Variants in CREB5 observed in about 807,000 individuals in gnomAD.
CREB5 encodes cAMP responsive element binding protein 5.
CREB5 carries 19 observed loss-of-function variants against 57.1 expected under a neutral mutation model. That is an observed-to-expected ratio of 0.33 (90% CI 0.23 to 0.49). The LOEUF (loss-of-function observed/expected upper bound fraction) is 0.49, where lower values mean the gene tolerates loss of function less well. CREB5 is among the 20% of genes least tolerant of loss of function. The pLI is 0.99. For synonymous variants in CREB5, 238 were observed against 238.3 expected (o/e 1.00, Z 0.01); for missense variants, 579 against 671.6 (o/e 0.86, Z 1.52).
intron 7 of CREB5, among the ~76,000 whole-genome samples, chr7:28,749,811 A>G (rs1804878326): frequency 6.6e-6 from 1 of 152,214 alleles, no homozygotes; most frequent in Non-Finnish European, 1.5e-5. Context: ...AGAAGTGTTT[A>G]ATGCAGTTGC....
chr7:28,739,357 C>T (rs1232043590), intron 7 of CREB5, among the ~76,000 whole-genome samples: 4 of 152,114 alleles, frequency 2.6e-5, no homozygotes, highest in Middle Eastern at 3.2e-3. Context: ...TGTTCAGTAG[C>T]GCTGGTCTCA....
At chr7:28,454,618 C>T (rs10230217) in intron 1 of CREB5, among the ~76,000 whole-genome samples, 44,719 of 152,042 alleles carry the variant, frequency 0.29, 7,459 homozygotes, top group East Asian at 0.57. Flanking sequence ...GGTCTGCCCT[C>T]GCTCCACCCT....
chr7:28,691,829 G>C (rs1297463156), intron 5 of CREB5, among the ~76,000 whole-genome samples: 1 of 152,028 alleles, frequency 6.6e-6, no homozygotes, highest in African/African-American at 2.4e-5. Flanking sequence ...CCTGTCATGT[G>C]CCTGACAGAA....
intron 1 of CREB5, among the ~76,000 whole-genome samples, chr7:28,424,699 T>C (rs1788425233): frequency 6.6e-6 from 1 of 152,224 alleles, no homozygotes; most frequent in South Asian, 2.1e-4. Flanking sequence ...AATACAACTA[T>C]AGTTTGCCAC....
intron 7 of CREB5, among the ~76,000 whole-genome samples, chr7:28,729,355 G>A (rs1193095309): frequency 1.3e-5 from 2 of 152,172 alleles, no homozygotes; most frequent in Non-Finnish European, 2.9e-5. Context: ...ATTACTAACA[G>A]TGCTTCTGTC....
chr7:28,339,701 G>T (rs1392070607), intron 1 of CREB5, among the ~76,000 whole-genome samples: 1 of 152,194 alleles, frequency 6.6e-6, no homozygotes, highest in Non-Finnish European at 1.5e-5. Context: ...AGCCAGACAG[G>T]CTTGTGTACT....
At chr7:28,568,561 A>C (rs1795571452) in intron 4 of CREB5, among the ~76,000 whole-genome samples, 1 of 152,236 alleles carries the variant, frequency 6.6e-6, no homozygotes, top group African/African-American at 2.4e-5. Flanking sequence ...CCACCAATGC[A>C]CATTGCCATT....
At position 28,821,148 on chromosome 7, in the gene CREB5, G is replaced by GTGTC. The variant is rs1809744779; in HGVS notation, c.*1872_*1873insCTGT. The stretch of plus-strand genomic sequence containing the variant: ...TTAATGTGTGTGTGTGTGTGTGTGT[G>GTGTC]TGTGTGTGTGTTCATGGGTTTTAAA... On this transcript the variant is annotated 3_prime_UTR_variant, in exon 11 of 11. Coordinates refer to ENST00000357727, the MANE Select transcript of CREB5 (RefSeq NM_182898.4). 6.6e-6 allele frequency: 1 copy of GTGTC among 152,194 alleles called. No individual in the cohort carries two copies. Among genetic ancestry groups the GTGTC allele is most frequent in the Non-Finnish European group, 1.5e-5 (1 of 68,038 alleles). 9.4% of individuals were successfully genotyped at this position (152,194 alleles called of 1,614,324 possible).
Position 28,624,642 on chromosome 7 carries a change from G to A in CREB5, c.464+54105G>A, listed in dbSNP as rs1035906777. On this transcript the variant is annotated intron_variant, in intron 5 of 10. Transcript: ENST00000357727. ...CTAAGTTGAACATTTTTCTCAAATT[G>A]TACTTCGTTTTTCCTTGTTCCGCCA... 4.3e-5 allele frequency among the ~76,000 whole-genome samples: 6 copies of A among 139,926 alleles called. No individual in the cohort carries two copies. The Admixed American group carries it at 4.5e-4, about 11-fold the overall frequency. 91.8% of individuals were successfully genotyped at this position (139,926 alleles called of 152,430 possible).
intron 1 of CREB5, among the ~76,000 whole-genome samples, chr7:28,464,493 T>TTGCG (rs138527253): frequency 9.3e-6 from 1 of 107,724 alleles, no homozygotes. Context: ...TTGTGGAAAG[T>TTGCG]TGCGTGTGTG....
intron 1 of CREB5, among the ~76,000 whole-genome samples, chr7:28,430,001 T>C (rs914705344): frequency 1.3e-5 from 2 of 152,214 alleles, no homozygotes; most frequent in Non-Finnish European, 2.9e-5. Context: ...AAAAGAGCTC[T>C]TGGTCTCTGT....
intron 7 of CREB5, among the ~76,000 whole-genome samples, chr7:28,789,870 G>A (rs79549252): frequency 0.015 from 2,233 of 152,122 alleles, 41 homozygotes; most frequent in African/African-American, 0.044. Context: ...TTTAAAACCT[G>A]GGGTGAGAGA....
chr7:28,678,110 G>A (rs1800402817), intron 5 of CREB5, among the ~76,000 whole-genome samples: 1 of 152,212 alleles, frequency 6.6e-6, no homozygotes, highest in South Asian at 2.1e-4. Flanking sequence ...AAAAGAGGCT[G>A]GGTGCAGTGG....
chr7:28,793,545 A>C (rs1467221406), intron 7 of CREB5, among the ~76,000 whole-genome samples: 9 of 152,196 alleles, frequency 5.9e-5, no homozygotes, highest in Admixed American at 5.9e-4. Flanking sequence ...CAGTCCCCTG[A>C]GGGCTTTTTA....
At chr7:28,367,415 T>C (rs940093264) in intron 1 of CREB5, among the ~76,000 whole-genome samples, 5 of 152,316 alleles carry the variant, frequency 3.3e-5, no homozygotes, top group South Asian at 4.1e-4. Flanking sequence ...GAGAAAATGG[T>C]ACCATCATTC....
chr7:28,807,276 G>A (rs1246542323), intron 8 of CREB5, among the ~76,000 whole-genome samples: 1 of 152,032 alleles, frequency 6.6e-6, no homozygotes, highest in Non-Finnish European at 1.5e-5. Context: ...GTGAAACCCT[G>A]TGTCTACTAA....
chr7:28,525,790 T>A (rs1421155622), intron 4 of CREB5, among the ~76,000 whole-genome samples: 1 of 151,550 alleles, frequency 6.6e-6, no homozygotes, highest in African/African-American at 2.4e-5. Context: ...ATGGGGAGAG[T>A]GGTAGATATC....
chr7:28,745,246 G>A lies in CREB5; in HGVS notation c.702+20914G>A, dbSNP rs561562855. The stretch of plus-strand genomic sequence containing the variant: ...AAGTGTTCTCAGAAGTTGATTGAAA[G>A]TGTGATTGTTAACACAGGCTGGGGG... On this transcript the variant is annotated intron_variant, in intron 7 of 10. Coordinates refer to ENST00000357727, the MANE Select transcript of CREB5 (RefSeq NM_182898.4). Among the ~76,000 whole-genome samples, 11 of 152,336 alleles carry A rather than the reference G, an allele frequency of 7.2e-5. No homozygotes were observed. The East Asian group carries it at 2.1e-3, about 29-fold the overall frequency.
chr7:28,597,845 G>A (rs1796746846), intron 5 of CREB5, among the ~76,000 whole-genome samples: 2 of 152,134 alleles, frequency 1.3e-5, no homozygotes, highest in South Asian at 4.1e-4. Flanking sequence ...AGGAACATTT[G>A]TCATCAGACC....
Sources: allele counts gnomAD v4.1 joint callset (sites outside exome capture counted in the v4.1 genomes callset), GRCh38; gene constraint gnomAD v4.1.1; transcripts MANE v1.5; gene names NCBI Gene and HGNC (gene_info 2026-07-23, HGNC 2026-07-21).